DLC1: variants seen among roughly 807,000 people sequenced by gnomAD.
DLC1 encodes DLC1 Rho GTPase activating protein.
DLC1 carries 54 observed loss-of-function variants against 140.3 expected under a neutral mutation model. The observed-to-expected ratio is 0.38, with a 90% CI of 0.31 to 0.48. DLC1 has a LOEUF of 0.48. Among genes scored for constraint, DLC1 ranks in the 20% least tolerant of loss-of-function variants. The pLI is 0.96. For synonymous variants in DLC1, 986 were observed against 728.1 expected (o/e 1.35, Z -5.70); for missense variants, 2,536 against 1,907.0 (o/e 1.33, Z -6.14).
At chr8:13,525,102 C>A (rs1396380374) in intron 1 of DLC1, among the ~76,000 whole-genome samples, 1 of 152,118 alleles carries the variant, frequency 6.6e-6, no homozygotes. Flanking sequence ...TATGTATGTA[C>A]CTTTTGTGGC....
At chr8:13,599,358 A>G (rs1805788793) in intron 1 of DLC1, among the ~76,000 whole-genome samples, 1 of 151,954 alleles carries the variant, frequency 6.6e-6, no homozygotes, top group African/African-American at 2.4e-5. Context: ...TATTTTGATA[A>G]AGAAAGAAAA....
intron 5 of DLC1, among the ~76,000 whole-genome samples, chr8:13,117,502 C>T (rs1449983561): frequency 6.6e-6 from 1 of 152,108 alleles, no homozygotes; most frequent in African/African-American, 2.4e-5. Flanking sequence ...GAGGAACTTA[C>T]TTTTGCCCTA....
In DLC1 at chr8:13,090,481, C is replaced by T; in HGVS notation, c.3856-11G>A. Reference sequence around the variant, plus strand: ...CATTTCCTCGGGAACCTGTGCGGAACATGACAGACAGAAAGGAGGTGAGTC... The same window carrying T: ...CATTTCCTCGGGAACCTGTGCGGAATATGACAGACAGAAAGGAGGTGAGTC... On this transcript the variant is annotated splice_polypyrimidine_tract_variant and intron_variant, in intron 14 of 17. Coordinates refer to ENST00000276297, the MANE Select transcript of DLC1 (RefSeq NM_182643.3). 1 of 1,613,082 alleles carries T rather than the reference C, an allele frequency of 6.2e-7. No homozygotes were observed. Among genetic ancestry groups the T allele is most frequent in the South Asian group, 1.1e-5 (1 of 90,992 alleles).
rs190956404 is a variant in DLC1, at chr8:13,249,299, A to T, written c.1348+55970T>A. ...CACCATGTCGGCCAGGCTGGTCTCC[A>T]ACTCTTGACTTCAGGCAATCCACCC... is the stretch of plus-strand genomic sequence containing the variant. On this transcript the variant is annotated intron_variant, in intron 5 of 17. Transcript: ENST00000276297. Among the ~76,000 whole-genome samples, 1,058 of 152,162 alleles carry T rather than the reference A, an allele frequency of 7.0e-3. 18 individuals are homozygous for T. Among genetic ancestry groups the T allele is most frequent in the Non-Finnish European group, 8.9e-3 (604 of 67,984 alleles).
chr8:13,132,993 G>A (rs1217076651), intron 5 of DLC1: 7 of 1,609,438 alleles, frequency 4.3e-6, no homozygotes, highest in Non-Finnish European at 5.9e-6. Flanking sequence ...AGCACGGCAG[G>A]CGGCGGCGGA....
intron 5 of DLC1, among the ~76,000 whole-genome samples, chr8:13,179,575 G>C (rs1352225348): frequency 6.6e-6 from 1 of 151,966 alleles, no homozygotes; most frequent in African/African-American, 2.4e-5. Flanking sequence ...ATAGAAATTA[G>C]CTGGGCATGG....
At position 13,487,036 on chromosome 8, in the gene DLC1, G is replaced by C. The variant is rs28504607; in HGVS notation, c.1023+12013C>G. On this transcript the variant is annotated intron_variant, in intron 2 of 17. Transcript: ENST00000276297. The stretch of plus-strand genomic sequence containing the variant: ...GAGGCAAATTATCCACCGGCCCTCT[G>C]AGGGAAGTCTGCTGCGGTTTCCTTT... 2.3e-3 allele frequency among the ~76,000 whole-genome samples: 356 copies of C among 152,206 alleles called. 11 individuals are homozygous for C. The South Asian group carries it at 0.065, about 28-fold the overall frequency.
chr8:13,102,955 G>A, intron 7 of DLC1, 102 bp from the exon 8 acceptor site: 1 of 978,014 alleles, frequency 1.0e-6, no homozygotes, highest in Non-Finnish European at 1.6e-6. Context: ...GGAGTTTCTT[G>A]AAACTCAGTA....
chr8:13,206,825 G>C (rs1053694755), intron 5 of DLC1, among the ~76,000 whole-genome samples: 3 of 151,930 alleles, frequency 2.0e-5, no homozygotes, highest in Non-Finnish European at 4.4e-5. Context: ...GGTTATCTCA[G>C]AGCAAAGAAC....
At chr8:13,587,433 C>T (rs1029954827) in intron 1 of DLC1, among the ~76,000 whole-genome samples, 3 of 151,614 alleles carry the variant, frequency 2.0e-5, no homozygotes, top group East Asian at 1.9e-4. Context: ...ATAGAGGAGA[C>T]ATGCATTACA....
At chr8:13,173,524 G>GC (rs1213044855) in intron 5 of DLC1, among the ~76,000 whole-genome samples, 1 of 151,984 alleles carries the variant, frequency 6.6e-6, no homozygotes, top group African/African-American at 2.4e-5. Context: ...GGCATGCACT[G>GC]CCAAGCGCTG....
intron 2 of DLC1, among the ~76,000 whole-genome samples, chr8:13,445,321 G>T (rs1206887219): frequency 3.3e-5 from 5 of 152,176 alleles, no homozygotes; most frequent in Non-Finnish European, 4.4e-5. Flanking sequence ...GGAGATGTGG[G>T]AGGATAAACG....
chr8:13,246,399 T>C (rs1375256775), intron 5 of DLC1, among the ~76,000 whole-genome samples: 3 of 152,234 alleles, frequency 2.0e-5, no homozygotes, highest in Non-Finnish European at 4.4e-5. Context: ...TCAATGATGA[T>C]ACTATTAGTG....
rs767987812 is a variant in DLC1 at position 13,095,260 on chromosome 8, A to G, written c.3168-15T>C. 2.5e-6 allele frequency: 4 copies of G among 1,614,048 alleles called. No homozygotes were observed. Among genetic ancestry groups the G allele is most frequent in the Non-Finnish European group, 8.5e-7 (1 of 1,180,002 alleles). ...TGGGCACGGCCCTGTTAAAGAACAC[A>G]GAGATGGTGGTGTTGGCGGAGACAT... is the stretch of plus-strand genomic sequence containing the variant. On this transcript the variant is annotated splice_polypyrimidine_tract_variant and intron_variant, in intron 10 of 17. Transcript: ENST00000276297.
chr8:13,358,828 T>A (rs1331622525), intron 4 of DLC1, among the ~76,000 whole-genome samples: 1 of 152,186 alleles, frequency 6.6e-6, no homozygotes. Context: ...AGTGACAAAG[T>A]TATTAAAAAT....
At chr8:13,087,667 C>A (rs575384031) in intron 16 of DLC1, among the ~76,000 whole-genome samples, 1 of 152,148 alleles carries the variant, frequency 6.6e-6, no homozygotes. Context: ...TAGCTTAAAA[C>A]CATTTTTCTA....
At chr8:13,531,762 G>C (rs538985610) in intron 1 of DLC1, among the ~76,000 whole-genome samples, 1 of 152,120 alleles carries the variant, frequency 6.6e-6, no homozygotes, top group Non-Finnish European at 1.5e-5. Flanking sequence ...AAATATCAGT[G>C]CTATGTTTGA....
chr8:13,145,849 C>T (rs553489633), intron 5 of DLC1, among the ~76,000 whole-genome samples: 19 of 152,244 alleles, frequency 1.2e-4, no homozygotes, highest in East Asian at 7.7e-4. Flanking sequence ...TTTCCTCTGA[C>T]GCAAGCCAAG....
In DLC1 at chr8:13,453,513, T is replaced by C. The variant is rs868401294; in HGVS notation, c.1023+45536A>G. Among the ~76,000 whole-genome samples, 12 of 30,562 alleles carry C rather than the reference T, an allele frequency of 3.9e-4. 1 individual carries two copies. The highest frequency in any genetic ancestry group is 3.3e-3 in the South Asian group (3 of 908). The allele number at this position is 30,562 out of a possible 152,430, so 20.0% of individuals were successfully genotyped here. A position where few individuals can be genotyped will look rare whatever the true frequency, so the allele number is the denominator to read the frequency against. ...ATACATATATATATGTATATATATA[T>C]ACATATATATATATGTATATATATA... On this transcript the variant is annotated intron_variant, in intron 2 of 17. Transcript: ENST00000276297.
Sources: gnomAD v4.1 joint callset for allele counts (sites outside exome capture counted in the v4.1 genomes callset) on GRCh38, gnomAD v4.1.1 for gene constraint, MANE v1.5 for transcripts, NCBI Gene and HGNC (gene_info 2026-07-23, HGNC 2026-07-21) for gene names.